Variants in LRRC4C observed in about 807,000 individuals in gnomAD.
LRRC4C encodes the protein leucine-rich repeat-containing protein 4C.
LRRC4C carries 5 observed loss-of-function variants against 33.6 expected under a neutral mutation model. The ratio of observed to expected loss-of-function variants is 0.15; its 90% CI spans 0.08 to 0.31. The LOEUF (loss-of-function observed/expected upper bound fraction) is 0.31, where lower values mean the gene tolerates loss of function less well. Ranked by LOEUF, LRRC4C falls within the 10% of genes least tolerant of loss-of-function variation. The pLI is 1.00. For synonymous variants in LRRC4C, 329 were observed against 302.0 expected, an observed-to-expected ratio of 1.09 and a Z score of -0.93; for missense variants, 560 against 796.7, an observed-to-expected ratio of 0.70 and a Z score of 3.58.
intron 1 of LRRC4C, among the ~76,000 whole-genome samples, chr11:41,061,908 C>T (rs575145671): frequency 1.3e-4 from 20 of 151,978 alleles, no homozygotes; most frequent in Non-Finnish European, 2.1e-4. Flanking sequence ...AGGTCTAACA[C>T]GGTGGGCAGC....
intron 1 of LRRC4C, among the ~76,000 whole-genome samples, chr11:40,972,290 G>A (rs1363795944): frequency 8.6e-5 from 13 of 151,882 alleles, no homozygotes; most frequent in Admixed American, 8.5e-4. Context: ...GCATGTGCCA[G>A]CATGTCTGGC....
At chr11:41,055,144 T>A (rs1858528103) in intron 1 of LRRC4C, among the ~76,000 whole-genome samples, 1 of 152,182 alleles carries the variant, frequency 6.6e-6, no homozygotes, top group African/African-American at 2.4e-5. Flanking sequence ...TGACTTATAA[T>A]ACCACAAATT....
intron 3 of LRRC4C, among the ~76,000 whole-genome samples, chr11:40,358,010 A>G (rs1947753010): frequency 6.6e-6 from 1 of 151,880 alleles, no homozygotes; most frequent in African/African-American, 2.4e-5. Context: ...TGGTGAAACC[A>G]GGTCTCTATT....
Position 40,875,081 on chromosome 11 carries a change from TTTA to T in LRRC4C, c.-407+58551_-407+58553del, listed in dbSNP as rs1190348342. On this transcript the variant is annotated intron_variant, in intron 2 of 6. Coordinates refer to ENST00000528697, the MANE Select transcript of LRRC4C (RefSeq NM_001258419.2). ...ATAAAATGTCAGAATTTATATAACATTTATTATTATTATTTTAGTACACAAGAA... is the reference window on the plus strand; with the variant it reads ...ATAAAATGTCAGAATTTATATAACATTTATTATTATTTTAGTACACAAGAA... Among the ~76,000 whole-genome samples, 7 of 152,214 alleles carry T rather than the reference TTTA, an allele frequency of 4.6e-5. No homozygotes were observed. The East Asian group carries it at 7.7e-4, about 17-fold the overall frequency.
chr11:41,105,492 G>A (rs998031445), intron 1 of LRRC4C, among the ~76,000 whole-genome samples: 2 of 149,014 alleles, frequency 1.3e-5, no homozygotes, highest in East Asian at 1.9e-4. Context: ...ATTAATTTTT[G>A]TGTCTCTCCT....
At chr11:40,582,667 C>A (rs1385429442) in intron 3 of LRRC4C, among the ~76,000 whole-genome samples, 4 of 151,914 alleles carry the variant, frequency 2.6e-5, no homozygotes, top group African/African-American at 9.7e-5. Context: ...CAGGTACACG[C>A]CACCATGCCT....
chr11:40,385,028 AT>A (rs1399325839), intron 3 of LRRC4C, among the ~76,000 whole-genome samples: 2 of 152,132 alleles, frequency 1.3e-5, no homozygotes, highest in African/African-American at 4.8e-5. Flanking sequence ...TGGCATAACA[AT>A]ATACATAGGT....
chr11:40,305,214 C>T (rs1341385438), intron 4 of LRRC4C, among the ~76,000 whole-genome samples: 2 of 152,216 alleles, frequency 1.3e-5, no homozygotes, highest in Non-Finnish European at 2.9e-5. Flanking sequence ...GGTCATCCCT[C>T]TCAAGCAACT....
intron 2 of LRRC4C, among the ~76,000 whole-genome samples, chr11:40,907,215 T>C (rs1417118450): frequency 6.6e-6 from 1 of 152,234 alleles, no homozygotes. Flanking sequence ...ATGTCTTTCT[T>C]TTTTGTCAGC....
At chr11:40,424,635 C>G (rs1950646361) in intron 3 of LRRC4C, among the ~76,000 whole-genome samples, 1 of 152,148 alleles carries the variant, frequency 6.6e-6, no homozygotes, top group Non-Finnish European at 1.5e-5. Flanking sequence ...AGTGTGTTCA[C>G]CTAAGCAATA....
At chr11:40,518,399 TAAAC>T (rs765617301) in intron 3 of LRRC4C, among the ~76,000 whole-genome samples, 21 of 152,058 alleles carry the variant, frequency 1.4e-4, no homozygotes, top group African/African-American at 4.3e-4. Flanking sequence ...ACAAAGAAGT[TAAAC>T]AAATTTACAA....
At chr11:41,123,398 A>G (rs1317925472) in intron 1 of LRRC4C, among the ~76,000 whole-genome samples, 5 of 143,774 alleles carry the variant, frequency 3.5e-5, no homozygotes, top group Non-Finnish European at 4.5e-5. Flanking sequence ...TCAGCCTCCC[A>G]AGTAGCTGGG....
At chr11:40,517,084 TA>T (rs1955590167) in intron 3 of LRRC4C, among the ~76,000 whole-genome samples, 1 of 152,172 alleles carries the variant, frequency 6.6e-6, no homozygotes, top group South Asian at 2.1e-4. Context: ...TAAGCAAGAT[TA>T]AAGTCTCAAA....
At chr11:41,065,327 A>G (rs1244613722) in intron 1 of LRRC4C, among the ~76,000 whole-genome samples, 2 of 152,156 alleles carry the variant, frequency 1.3e-5, no homozygotes, top group East Asian at 3.9e-4. Context: ...CAAAGCGACT[A>G]TGGCCAGACT....
intron 3 of LRRC4C, among the ~76,000 whole-genome samples, chr11:40,329,057 G>A (rs1013205176): frequency 4.6e-5 from 7 of 152,168 alleles, no homozygotes; most frequent in Admixed American, 1.3e-4. Flanking sequence ...TCTGTGGTGA[G>A]CCAAAAAGTA....
At chr11:41,351,418 T>C (rs1046786446) in intron 1 of LRRC4C, among the ~76,000 whole-genome samples, 8 of 152,140 alleles carry the variant, frequency 5.3e-5, no homozygotes, top group Admixed American at 1.3e-4. Flanking sequence ...AGAAAACATA[T>C]TGAAGGATAT....
intron 3 of LRRC4C, among the ~76,000 whole-genome samples, chr11:40,499,209 C>T (rs1954620594): frequency 6.6e-6 from 1 of 152,074 alleles, no homozygotes; most frequent in Non-Finnish European, 1.5e-5. Flanking sequence ...ACTGACAGCT[C>T]TTAGGTGAAC....
chr11:41,082,931 T>G (rs371603781), intron 1 of LRRC4C, among the ~76,000 whole-genome samples: 1 of 152,136 alleles, frequency 6.6e-6, no homozygotes, highest in South Asian at 2.1e-4. Context: ...AAATCCTTTT[T>G]CACCAATGAG....
At chr11:41,124,893 A>C (rs1215616089) in intron 1 of LRRC4C, among the ~76,000 whole-genome samples, 1 of 152,204 alleles carries the variant, frequency 6.6e-6, no homozygotes, top group African/African-American at 2.4e-5. Context: ...ATAATCAAAG[A>C]ATTACAGAGG....
Sources: allele counts gnomAD v4.1 joint callset (sites outside exome capture counted in the v4.1 genomes callset), GRCh38; gene constraint gnomAD v4.1.1; transcripts MANE v1.5; gene names NCBI Gene and HGNC (gene_info 2026-07-23, HGNC 2026-07-21).